The following POU6F2 variants were observed in gnomAD, a reference collection of about 807,000 sequenced individuals.
POU6F2 encodes POU class 6 homeobox 2, also known as POU domain, class 6, transcription factor 2.
In POU6F2, 31 loss-of-function variants were observed where a neutral mutation model predicts 71.3. That is an observed-to-expected ratio of 0.43 (90% CI 0.33 to 0.59). The LOEUF is 0.59. Ranked by LOEUF, POU6F2 falls within the 20% of genes least tolerant of loss-of-function variation. The pLI, the probability that POU6F2 is intolerant of heterozygous loss-of-function variation, is 0.04. For missense variants in POU6F2, 783 were observed against 856.8 expected (o/e 0.91, Z 1.07); for synonymous variants, 347 against 355.7 (o/e 0.98, Z 0.27).
intron 1 of POU6F2, among the ~76,000 whole-genome samples, chr7:38,996,801 G>A (rs1188700430): frequency 6.6e-6 from 1 of 152,114 alleles, no homozygotes; most frequent in Non-Finnish European, 1.5e-5. Flanking sequence ...CTCTTGACTT[G>A]CTTATATCCG....
intron 6 of POU6F2, among the ~76,000 whole-genome samples, chr7:39,417,866 G>A (rs1430113423): frequency 6.6e-6 from 1 of 152,166 alleles, no homozygotes; most frequent in Non-Finnish European, 1.5e-5. Context: ...CTCAGCTAAA[G>A]TTATCTCTTC....
chr7:39,001,311 G>A (rs958593291), intron 1 of POU6F2, among the ~76,000 whole-genome samples: 3 of 151,806 alleles, frequency 2.0e-5, no homozygotes, highest in Non-Finnish European at 4.4e-5. Context: ...GATAATAGGC[G>A]ATATATTATT....
At chr7:39,310,937 T>C (rs1785151267) in intron 4 of POU6F2, among the ~76,000 whole-genome samples, 1 of 152,060 alleles carries the variant, frequency 6.6e-6, no homozygotes, top group Admixed American at 6.5e-5. Flanking sequence ...AATGGCGACC[T>C]CAAGCCGACT....
intron 4 of POU6F2, among the ~76,000 whole-genome samples, chr7:39,317,400 G>A (rs912191814): frequency 1.3e-5 from 2 of 152,166 alleles, no homozygotes; most frequent in African/African-American, 2.4e-5. Flanking sequence ...AGTCATCACT[G>A]GTTGCCTGGA....
At chr7:39,267,423 T>C (rs11979297) in intron 4 of POU6F2, among the ~76,000 whole-genome samples, 41,715 of 152,122 alleles carry the variant, frequency 0.27, 6,449 homozygotes, top group African/African-American at 0.42. Flanking sequence ...AAGCCAGACA[T>C]GTGCCAGGCC....
chr7:39,138,211 G>T (rs969103374), intron 2 of POU6F2, among the ~76,000 whole-genome samples: 15 of 152,180 alleles, frequency 9.9e-5, no homozygotes, highest in African/African-American at 3.6e-4. Context: ...GTGGATGTTG[G>T]TGAGAAATAA....
intron 4 of POU6F2, among the ~76,000 whole-genome samples, chr7:39,292,645 A>C (rs771670357): frequency 2.6e-5 from 4 of 152,224 alleles, no homozygotes; most frequent in Non-Finnish European, 5.9e-5. Flanking sequence ...AGTCAGCAAG[A>C]GCAACTTTAT....
intron 8 of POU6F2, among the ~76,000 whole-genome samples, chr7:39,453,591 TG>T (rs2116127949): frequency 6.6e-6 from 1 of 152,332 alleles, no homozygotes; most frequent in South Asian, 2.1e-4. Context: ...AATGAGTGGA[TG>T]GGCAGACAGC....
intron 4 of POU6F2, among the ~76,000 whole-genome samples, chr7:39,223,882 A>T (rs1405356895): frequency 1.3e-5 from 2 of 152,202 alleles, no homozygotes; most frequent in African/African-American, 2.4e-5. Flanking sequence ...CCTTCAAGTT[A>T]TAGTAACAAA....
chr7:39,096,832 C>A (rs1405689026), intron 2 of POU6F2, among the ~76,000 whole-genome samples: 1 of 152,094 alleles, frequency 6.6e-6, no homozygotes, highest in Non-Finnish European at 1.5e-5. Context: ...GAACGTTTAG[C>A]AAGTGAACAT....
intron 1 of POU6F2, among the ~76,000 whole-genome samples, chr7:39,023,710 C>A (rs1789732107): frequency 6.6e-6 from 1 of 152,046 alleles, no homozygotes; most frequent in Admixed American, 6.6e-5. Flanking sequence ...AATCTAATGT[C>A]CTCCTATGTC....
At chr7:39,074,206 G>A (rs560357531) in intron 1 of POU6F2, among the ~76,000 whole-genome samples, 1 of 152,234 alleles carries the variant, frequency 6.6e-6, no homozygotes, top group Admixed American at 6.5e-5. Context: ...AAAATTAGCT[G>A]GGCGTAATGG....
Position 39,467,503 on chromosome 7 carries a change from T to A in POU6F2, c.*2817T>A, listed in dbSNP as rs1018921926. On this transcript the variant is annotated 3_prime_UTR_variant, in exon 10 of 10. Transcript: ENST00000518318. ...CCACTTTGGGCATATGTGATTGTAT[T>A]TCAAGCTTCAGTATTTTTCTCACAT... is the stretch of plus-strand genomic sequence containing the variant. 3 of 152,244 alleles carry A rather than the reference T, an allele frequency of 2.0e-5. No homozygotes were observed. Among genetic ancestry groups the A allele is most frequent in the Non-Finnish European group, 4.4e-5 (3 of 68,046 alleles). The allele number at this position is 152,244 out of a possible 1,614,324, so 9.4% of individuals were successfully genotyped here.
chr7:39,009,131 G>A (rs535633599), intron 1 of POU6F2, among the ~76,000 whole-genome samples: 3 of 151,924 alleles, frequency 2.0e-5, no homozygotes, highest in Non-Finnish European at 2.9e-5. Flanking sequence ...TCATTTTCAC[G>A]ATATTGATTC....
chr7:39,073,674 G>A (rs768197325), intron 1 of POU6F2, among the ~76,000 whole-genome samples: 20 of 152,236 alleles, frequency 1.3e-4, no homozygotes, highest in Non-Finnish European at 2.8e-4. Flanking sequence ...GGCAGAGAAC[G>A]AGAGGAAAAC....
chr7:39,110,804 A>T (rs951613087), intron 2 of POU6F2, among the ~76,000 whole-genome samples: 1 of 152,192 alleles, frequency 6.6e-6, no homozygotes, highest in East Asian at 1.9e-4. Context: ...TATCTTGTTG[A>T]CATAAATGAA....
chr7:39,078,773 A>G (rs1456627601), intron 1 of POU6F2, among the ~76,000 whole-genome samples: 2 of 152,208 alleles, frequency 1.3e-5, no homozygotes, highest in East Asian at 3.9e-4. Flanking sequence ...AGAGGCAGCT[A>G]CTTTCAGGCA....
intron 2 of POU6F2, among the ~76,000 whole-genome samples, chr7:39,125,382 T>C (rs1356833568): frequency 6.6e-6 from 1 of 152,204 alleles, no homozygotes; most frequent in African/African-American, 2.4e-5. Context: ...TTTAGTGTCC[T>C]TCACCCTTTC....
intron 1 of POU6F2, among the ~76,000 whole-genome samples, chr7:39,018,116 G>A (rs1259976918): frequency 6.6e-6 from 1 of 152,062 alleles, no homozygotes; most frequent in East Asian, 1.9e-4. Context: ...AACTCTTTTA[G>A]TTGCAAATGA....
Sources: allele counts gnomAD v4.1 joint callset (sites outside exome capture counted in the v4.1 genomes callset), GRCh38; gene constraint gnomAD v4.1.1; transcripts MANE v1.5; gene names NCBI Gene and HGNC (gene_info 2026-07-23, HGNC 2026-07-21).